Variants in DSG4 observed in about 807,000 individuals in gnomAD.
DSG4 encodes desmoglein-4.
In DSG4, 87 loss-of-function variants were observed where a neutral mutation model predicts 93.1. The observed-to-expected ratio is 0.93, with a 90% CI of 0.79 to 1.12. The LOEUF is 1.12. Ranked by LOEUF, DSG4 falls within the 50% of genes most tolerant of loss-of-function variation. The pLI, the probability that DSG4 is intolerant of heterozygous loss-of-function variation, is 0.00. For missense variants in DSG4, 1,373 were observed against 1,285.7 expected, an observed-to-expected ratio of 1.07 and a Z score of -1.04; for synonymous variants, 432 against 452.9, an observed-to-expected ratio of 0.95 and a Z score of 0.59.
chr18:31,405,899 T>G (rs993052914), intron 11 of DSG4, among the ~76,000 whole-genome samples, 178 bp from the exon 12 acceptor site: 6 of 128,406 alleles, frequency 4.7e-5, no homozygotes, highest in Non-Finnish European at 9.9e-5. Context: ...ATAACAAGAA[T>G]AATAATAATA....
chr18:31,404,362 T>C (rs958808010), intron 11 of DSG4, among the ~76,000 whole-genome samples: 6 of 152,186 alleles, frequency 3.9e-5, no homozygotes, highest in Admixed American at 3.3e-4. Context: ...CGATAAAAAT[T>C]AAGAATAAAT....
intron 3 of DSG4, among the ~76,000 whole-genome samples, chr18:31,387,740 T>G (rs1055647186): frequency 6.6e-6 from 1 of 152,168 alleles, no homozygotes; most frequent in Non-Finnish European, 1.5e-5. Context: ...TTTTACTGAA[T>G]GCTCTTATCG....
intron 3 of DSG4, among the ~76,000 whole-genome samples, chr18:31,387,963 T>C (rs960686611): frequency 6.6e-5 from 10 of 152,292 alleles, no homozygotes; most frequent in Admixed American, 2.6e-4. Flanking sequence ...CCATTTTGAC[T>C]AAATCTCAGA....
chr18:31,389,352 T>G (rs574014795), intron 5 of DSG4, among the ~76,000 whole-genome samples: 1 of 152,304 alleles, frequency 6.6e-6, no homozygotes, highest in African/African-American at 2.4e-5. Flanking sequence ...GGCTCTGTTC[T>G]GGTCTCTTAC....
intron 12 of DSG4, 109 bp downstream of exon 12, chr18:31,406,482 G>A: frequency 7.4e-7 from 1 of 1,348,282 alleles, no homozygotes; most frequent in Non-Finnish European, 1.0e-6. Flanking sequence ...GGTATCTCTA[G>A]CAATTTTTGA....
chr18:31,413,553 C>G lies in DSG4; in HGVS notation c.3081C>G (p.His1027Gln), dbSNP rs770186540. Residue 1027 changes from histidine (H) to glutamine (Q), a missense_variant, in exon 16 of 16, where the codon CAC becomes CAG. By Grantham distance (24) the His-to-Gln change is conservative. Transcript: ENST00000308128. Reference sequence around the variant, plus strand: ...CCACATCCCCCATGACATCTCGACACAGAGTAACACGATACAGTAACATAC... The same window carrying G: ...CCACATCCCCCATGACATCTCGACAGAGAGTAACACGATACAGTAACATAC... The part of the protein sequence containing the change: ...VGSTSPMTSR[H>Q]RVTRYSNIHY... 1.9e-6 allele frequency: 3 copies of G among 1,614,038 alleles called. No homozygotes were observed. The highest frequency in any genetic ancestry group is 1.1e-5 in the South Asian group (1 of 91,086).
chr18:31,391,302 C>T, intron 7 of DSG4, 90 bp downstream of exon 7: 1 of 1,570,544 alleles, frequency 6.4e-7, no homozygotes, highest in Non-Finnish European at 8.7e-7. Context: ...GCTCATGAGC[C>T]TGGTTCTGTC....
intron 12 of DSG4, among the ~76,000 whole-genome samples, chr18:31,407,869 A>G (rs1034197549): frequency 5.9e-5 from 9 of 152,292 alleles, no homozygotes; most frequent in Middle Eastern, 3.4e-3. Context: ...AGGTCTTCCA[A>G]AATTACTCAT....
intron 1 of DSG4, among the ~76,000 whole-genome samples, chr18:31,379,402 A>G (rs1054198958): frequency 6.6e-6 from 1 of 152,230 alleles, no homozygotes; most frequent in Non-Finnish European, 1.5e-5. Flanking sequence ...TGGCTCATAA[A>G]TAGTTTTCAT....
chr18:31,402,988 AC>A (rs2072384942), intron 10 of DSG4, among the ~76,000 whole-genome samples: 1 of 152,208 alleles, frequency 6.6e-6, no homozygotes, highest in Non-Finnish European at 1.5e-5. Context: ...TTCTACAAAC[AC>A]AGGACTCAGT....
In DSG4 at chr18:31,413,013, C is replaced by T; in HGVS notation, c.2541C>T (p.Cys847=). Residue 847 remains cysteine, a synonymous_variant, in exon 16 of 16, where the codon TGC becomes TGT. Transcript: ENST00000308128. The part of the protein sequence containing the change: ...DPKFRTLAEI[C]LNTEIEPFPS... ...AATTTAGGACTCTTGCTGAGATCTG[C>T]TTAAACACAGAAATTGAACCATTTC... 1 of 1,614,136 alleles carries T rather than the reference C, an allele frequency of 6.2e-7. No homozygotes were observed. The highest frequency in any genetic ancestry group is 8.5e-7 in the Non-Finnish European group (1 of 1,180,032).
At chr18:31,388,135 T>C (rs1016569161) in intron 3 of DSG4, among the ~76,000 whole-genome samples, 2 of 152,178 alleles carry the variant, frequency 1.3e-5, no homozygotes, top group African/African-American at 4.8e-5. Flanking sequence ...GTGTATGTTA[T>C]ACACATTACC....
chr18:31,405,695 G>A (rs1030576880), intron 11 of DSG4, among the ~76,000 whole-genome samples: 1 of 151,932 alleles, frequency 6.6e-6, no homozygotes, highest in Non-Finnish European at 1.5e-5. Flanking sequence ...ACCACCCTGG[G>A]CAATATGGCA....
chr18:31,398,026 CAAAA>C (rs58572396), intron 8 of DSG4, among the ~76,000 whole-genome samples: 2 of 80,778 alleles, frequency 2.5e-5, no homozygotes, highest in Admixed American at 2.9e-4. Flanking sequence ...GACCCTGTCT[CAAAA>C]AAAAAAAAAA....
chr18:31,409,430 A>G, intron 12 of DSG4, 22 bp from the exon 13 acceptor site: 1 of 1,613,978 alleles, frequency 6.2e-7, no homozygotes, highest in Non-Finnish European at 8.5e-7. Context: ...TGTTAACTCG[A>G]CATTGTCACT....
intron 12 of DSG4, among the ~76,000 whole-genome samples, chr18:31,408,348 T>A (rs1286293497): frequency 6.6e-6 from 1 of 152,240 alleles, no homozygotes; most frequent in Non-Finnish European, 1.5e-5. Context: ...ACATTTAAAT[T>A]CACAGAAATA....
intron 8 of DSG4, among the ~76,000 whole-genome samples, chr18:31,393,347 T>A (rs931011793): frequency 5.4e-4 from 82 of 152,252 alleles, no homozygotes; most frequent in Non-Finnish European, 8.5e-4. Context: ...ACTGGGTAAT[T>A]TATAAAGAAA....
chr18:31,410,914 C>T (rs921215307), intron 14 of DSG4, among the ~76,000 whole-genome samples: 1 of 152,210 alleles, frequency 6.6e-6, no homozygotes, highest in African/African-American at 2.4e-5. Context: ...GGATCAAGCC[C>T]GCAGCAGCCA....
At chr18:31,390,486 AT>A (rs1468644472) in intron 5 of DSG4, among the ~76,000 whole-genome samples, 169 bp from the exon 6 acceptor site, 1 of 151,916 alleles carries the variant, frequency 6.6e-6, no homozygotes, top group Non-Finnish European at 1.5e-5. Flanking sequence ...AGCAAACCAC[AT>A]TTTTTTTAAT....
Sources: gnomAD v4.1 joint callset for allele counts (sites outside exome capture counted in the v4.1 genomes callset) on GRCh38, gnomAD v4.1.1 for gene constraint, MANE v1.5 for transcripts, NCBI Gene and HGNC (gene_info 2026-07-23, HGNC 2026-07-21) for gene names.